NOL10: variants seen among roughly 807,000 people sequenced by gnomAD.
NOL10 encodes H_NH0074G24.1.
NOL10 carries 58 observed loss-of-function variants against 103.5 expected under a neutral mutation model. The ratio of observed to expected loss-of-function variants is 0.56; its 90% CI spans 0.45 to 0.70. The LOEUF (loss-of-function observed/expected upper bound fraction) is 0.70, where lower values mean the gene tolerates loss of function less well. NOL10 is among the 30% of genes least tolerant of loss of function. NOL10 has a pLI of 0.00. For synonymous variants in NOL10, 287 were observed against 282.5 expected, an observed-to-expected ratio of 1.02 and a Z score of -0.16; for missense variants, 763 against 807.3, an observed-to-expected ratio of 0.95 and a Z score of 0.67.
At chr2:10,670,589 G>C (rs1680866466) in intron 6 of NOL10, among the ~76,000 whole-genome samples, 1 of 152,014 alleles carries the variant, frequency 6.6e-6, no homozygotes, top group Non-Finnish European at 1.5e-5. Flanking sequence ...ACAAAAATTA[G>C]CTGGGCATGG....
At chr2:10,669,513 T>TACACAC (rs112846253) in intron 6 of NOL10, among the ~76,000 whole-genome samples, 281 of 132,926 alleles carry the variant, frequency 2.1e-3, no homozygotes, top group African/African-American at 7.2e-3. Flanking sequence ...CACACATATA[T>TACACAC]ACACACACAC....
intron 11 of NOL10, among the ~76,000 whole-genome samples, chr2:10,655,953 G>A (rs539469470): frequency 6.6e-6 from 1 of 152,326 alleles, no homozygotes; most frequent in East Asian, 1.9e-4. Context: ...ACTGAAAGAG[G>A]AAGGAAAAGA....
intron 6 of NOL10, among the ~76,000 whole-genome samples, chr2:10,671,040 CAAT>C (rs1680900628): frequency 6.6e-6 from 1 of 152,082 alleles, no homozygotes; most frequent in African/African-American, 2.4e-5. Context: ...AAAATAATAA[CAAT>C]AAAACCCTCT....
intron 13 of NOL10, among the ~76,000 whole-genome samples, chr2:10,637,847 G>T (rs1249624426): frequency 6.6e-6 from 1 of 152,144 alleles, no homozygotes; most frequent in Non-Finnish European, 1.5e-5. Context: ...GTTTTTAACC[G>T]CCTCATTTGC....
chr2:10,604,827 A>G (rs1676162308), intron 14 of NOL10: 1 of 152,210 alleles, frequency 6.6e-6, no homozygotes, highest in Non-Finnish European at 1.5e-5. Context: ...ATCTTCTGAG[A>G]AAAAAGGGCT....
At chr2:10,593,291 C>T (rs1461941989) in intron 17 of NOL10, among the ~76,000 whole-genome samples, 2 of 152,182 alleles carry the variant, frequency 1.3e-5, no homozygotes, top group Non-Finnish European at 2.9e-5. Flanking sequence ...AGGCACGCGC[C>T]ACCACGGCCG....
At chr2:10,627,269 C>T (rs970440113) in intron 13 of NOL10, among the ~76,000 whole-genome samples, 3 of 152,272 alleles carry the variant, frequency 2.0e-5, no homozygotes, top group East Asian at 1.9e-4. Flanking sequence ...GGTCTTTTAC[C>T]TTCCATAAGA....
intron 13 of NOL10, among the ~76,000 whole-genome samples, chr2:10,610,956 G>A (rs1186832635): frequency 6.6e-6 from 1 of 152,104 alleles, no homozygotes; most frequent in African/African-American, 2.4e-5. Context: ...CCCATGCTGT[G>A]GTCAATTTAT....
At position 10,572,204 on chromosome 2, in the gene NOL10, T is replaced by C; in HGVS notation, c.1948-14A>G. On this transcript the variant is annotated splice_polypyrimidine_tract_variant and intron_variant, in intron 20 of 20. Coordinates refer to ENST00000381685, the MANE Select transcript of NOL10 (RefSeq NM_024894.4). ...CTGCTGTTCAGACTAAAAGAGAAAATGAAATGAGTAGAGGGAAAGAGAGAA... is the reference window on the plus strand; with the variant it reads ...CTGCTGTTCAGACTAAAAGAGAAAACGAAATGAGTAGAGGGAAAGAGAGAA... The C allele has an allele frequency of 6.2e-7, 1 of 1,613,480 alleles. No individual in the cohort carries two copies.
chr2:10,688,949 G>A (rs553714610), intron 1 of NOL10, among the ~76,000 whole-genome samples: 32 of 152,206 alleles, frequency 2.1e-4, no homozygotes, highest in Admixed American at 1.1e-3. Flanking sequence ...TATTTATTCT[G>A]TTTTCCAAGG....
At chr2:10,689,736 G>A in intron 1 of NOL10, 60 bp downstream of exon 1, 3 of 1,495,752 alleles carry the variant, frequency 2.0e-6, no homozygotes, top group South Asian at 1.2e-5. Context: ...AGGGGCGGCT[G>A]CCCCACGAGG....
chr2:10,579,534 C>T (rs562453329), intron 19 of NOL10, among the ~76,000 whole-genome samples: 9 of 150,678 alleles, frequency 6.0e-5, no homozygotes, highest in South Asian at 2.1e-4. Flanking sequence ...ACATGACAAA[C>T]GGAATGAAAT....
At chr2:10,675,913 T>C (rs1215935428) in intron 3 of NOL10, 42 bp from the exon 4 acceptor site, 2 of 1,099,430 alleles carry the variant, frequency 1.8e-6, no homozygotes, top group Non-Finnish European at 2.7e-6. Flanking sequence ...AGACATACTT[T>C]CATAGTCAAA....
At chr2:10,626,311 C>T (rs1026770881) in intron 13 of NOL10, among the ~76,000 whole-genome samples, 1 of 152,100 alleles carries the variant, frequency 6.6e-6, no homozygotes, top group Non-Finnish European at 1.5e-5. Flanking sequence ...CAGCAAAAAG[C>T]ACAACATACA....
chr2:10,574,894 C>G (rs1674374315), intron 20 of NOL10, among the ~76,000 whole-genome samples: 1 of 152,158 alleles, frequency 6.6e-6, no homozygotes, highest in Admixed American at 6.5e-5. Flanking sequence ...GTAGGAGCTT[C>G]AAGAGGAGCT....
intron 13 of NOL10, among the ~76,000 whole-genome samples, chr2:10,611,356 A>G (rs1287620382): frequency 6.6e-6 from 1 of 152,256 alleles, no homozygotes; most frequent in African/African-American, 2.4e-5. Context: ...AGGACATGAA[A>G]ATACATGCCA....
intron 17 of NOL10, among the ~76,000 whole-genome samples, chr2:10,595,518 A>G (rs1420788653): frequency 1.3e-5 from 2 of 151,992 alleles, no homozygotes; most frequent in Non-Finnish European, 2.9e-5. Flanking sequence ...GCTGGTCTTG[A>G]ACTCCTGGGC....
At chr2:10,581,125 G>A (rs1025559515) in intron 19 of NOL10, among the ~76,000 whole-genome samples, 2 of 152,110 alleles carry the variant, frequency 1.3e-5, no homozygotes, top group Non-Finnish European at 2.9e-5. Flanking sequence ...CTTAAACTCA[G>A]GCAACCACGA....
intron 2 of NOL10, among the ~76,000 whole-genome samples, chr2:10,682,754 T>C (rs1248812773): frequency 1.3e-5 from 2 of 151,760 alleles, no homozygotes; most frequent in Admixed American, 6.6e-5. Flanking sequence ...AACTTTTTTT[T>C]CTCCTAAGTA....
Sources: allele counts gnomAD v4.1 joint callset (sites outside exome capture counted in the v4.1 genomes callset), GRCh38; gene constraint gnomAD v4.1.1; transcripts MANE v1.5; gene names NCBI Gene and HGNC (gene_info 2026-07-23, HGNC 2026-07-21).